The following DCC variants were observed in gnomAD, a reference collection of about 807,000 sequenced individuals.
The protein encoded by DCC is netrin receptor DCC.
DCC carries 58 observed loss-of-function variants against 172.5 expected under a neutral mutation model. The observed-to-expected ratio is 0.34, with a 90% CI of 0.27 to 0.42. The LOEUF is 0.42. Ranked by LOEUF, DCC falls within the 10% of genes least tolerant of loss-of-function variation. The pLI, the probability that DCC is intolerant of heterozygous loss-of-function variation, is 1.00. For synonymous variants in DCC, 709 were observed against 644.5 expected, an observed-to-expected ratio of 1.10 and a Z score of -1.52; for missense variants, 1,740 against 1,791.0, an observed-to-expected ratio of 0.97 and a Z score of 0.51.
chr18:53,307,346 C>G (rs879707575), intron 13 of DCC, among the ~76,000 whole-genome samples: 10 of 152,064 alleles, frequency 6.6e-5, no homozygotes, highest in African/African-American at 1.2e-4. Context: ...TAAAAATAAT[C>G]AAAGTGAGGA....
chr18:52,341,005 A>T (rs1226891290), intron 1 of DCC, 127 bp downstream of exon 1: 2 of 722,718 alleles, frequency 2.8e-6, no homozygotes, highest in Non-Finnish European at 4.9e-6. Flanking sequence ...CGCTGCCCCC[A>T]TTTGCGCACC....
In DCC at chr18:53,534,663, C is replaced by T. The variant is rs2046555187; in HGVS notation, c.*4010C>T. The T allele has an allele frequency of 6.6e-6, 1 of 152,128 alleles. No homozygotes were observed. Among genetic ancestry groups the T allele is most frequent in the Non-Finnish European group, 1.5e-5 (1 of 68,026 alleles). 9.4% of individuals were successfully genotyped at this position (152,128 alleles called of 1,614,324 possible). A position where few individuals can be genotyped will look rare whatever the true frequency, so the allele number is the denominator to read the frequency against. ...ATAGATAGGTGTTTTGTATGATATT[C>T]CATTCCAATGCAAAATATATGTACC... is the stretch of plus-strand genomic sequence containing the variant. On this transcript the variant is annotated 3_prime_UTR_variant, in exon 29 of 29. Transcript: ENST00000442544.
intron 3 of DCC, among the ~76,000 whole-genome samples, chr18:52,920,667 A>G (rs991777121): frequency 1.6e-4 from 25 of 152,156 alleles, no homozygotes; most frequent in African/African-American, 5.6e-4. Context: ...CAATCTAGCT[A>G]TTGCACTCCA....
intron 14 of DCC, among the ~76,000 whole-genome samples, chr18:53,327,400 T>TA (rs1452905559): frequency 1.3e-5 from 2 of 152,118 alleles, no homozygotes; most frequent in African/African-American, 4.8e-5. Flanking sequence ...GATAGAGTGA[T>TA]AGAGTTCAAC....
chr18:53,391,910 G>A (rs1908575097), intron 17 of DCC, 23 bp downstream of exon 17: 1 of 1,335,484 alleles, frequency 7.5e-7, no homozygotes, highest in East Asian at 2.3e-5. Flanking sequence ...TTGATAGCAT[G>A]AAATTTAAAA....
intron 13 of DCC, among the ~76,000 whole-genome samples, chr18:53,317,371 A>G (rs895022678): frequency 3.9e-5 from 6 of 152,168 alleles, no homozygotes; most frequent in African/African-American, 1.4e-4. Context: ...ATACTGCTGG[A>G]TTCGGTTTGC....
intron 1 of DCC, among the ~76,000 whole-genome samples, chr18:52,506,709 G>T (rs940899403): frequency 6.6e-6 from 1 of 151,966 alleles, no homozygotes; most frequent in Non-Finnish European, 1.5e-5. Context: ...TTTCTACCAA[G>T]AAATAAATAT....
At chr18:52,819,885 A>T (rs140372819) in intron 2 of DCC, among the ~76,000 whole-genome samples, 15,430 of 147,624 alleles carry the variant, frequency 0.1, 854 homozygotes, top group South Asian at 0.2. Context: ...TGCCCAGCTA[A>T]TTTTTTTTTT....
chr18:52,978,788 T>C (rs1339189553), intron 5 of DCC, among the ~76,000 whole-genome samples: 1 of 152,214 alleles, frequency 6.6e-6, no homozygotes, highest in Admixed American at 6.5e-5. Flanking sequence ...TACCCATGGC[T>C]TATTTCTCAA....
At chr18:52,748,649 G>A (rs1225203513) in intron 1 of DCC, among the ~76,000 whole-genome samples, 1 of 152,218 alleles carries the variant, frequency 6.6e-6, no homozygotes, top group Non-Finnish European at 1.5e-5. Context: ...CAGTGTTACA[G>A]CTCCTTTTGC....
At chr18:53,357,876 A>G (rs2057895078) in intron 15 of DCC, among the ~76,000 whole-genome samples, 1 of 152,210 alleles carries the variant, frequency 6.6e-6, no homozygotes, top group South Asian at 2.1e-4. Flanking sequence ...TGTATAAGCC[A>G]TTCTAGAAGG....
At position 52,485,775 on chromosome 18, in the gene DCC, A is replaced by G. The variant is rs921734; in HGVS notation, c.91+144897A>G. The stretch of plus-strand genomic sequence containing the variant: ...ATTGTTTCAATGACAGAAAGAGAAT[A>G]TGGTTAAACATGCAAAGCAACCTCT... On this transcript the variant is annotated intron_variant, in intron 1 of 28. Coordinates refer to ENST00000442544, the MANE Select transcript of DCC (RefSeq NM_005215.4). Among the ~76,000 whole-genome samples the G allele has an allele frequency of 1.0e-2, 1,521 of 152,272 alleles. 58 individuals carry two copies. Among genetic ancestry groups the G allele is most frequent in the Admixed American group, 0.064 (974 of 15,268 alleles).
At position 53,253,060 on chromosome 18, in the gene DCC, A is replaced by G. The variant is rs2056458795; in HGVS notation, c.1911+37463A>G. The stretch of plus-strand genomic sequence containing the variant: ...CATTTTCGTATTAATCAAAAATATC[A>G]TTGTATGTCAGAATATAACATATAG... On this transcript the variant is annotated intron_variant, in intron 12 of 28. Transcript: ENST00000442544. Among the ~76,000 whole-genome samples the G allele has an allele frequency of 2.0e-5, 3 of 151,924 alleles. No individual in the cohort carries two copies. In the South Asian group the frequency reaches 6.2e-4, roughly 32 times the overall value.
chr18:52,774,779 G>A (rs1327031466), intron 2 of DCC, among the ~76,000 whole-genome samples: 1 of 151,634 alleles, frequency 6.6e-6, no homozygotes, highest in African/African-American at 2.4e-5. Flanking sequence ...AGGTGCCCCT[G>A]AACCATGAGT....
At chr18:53,363,233 A>C (rs996724597) in intron 15 of DCC, among the ~76,000 whole-genome samples, 1 of 152,150 alleles carries the variant, frequency 6.6e-6, no homozygotes, top group Non-Finnish European at 1.5e-5. Context: ...CAGCTTTGAA[A>C]AATATCTAGC....
chr18:53,085,553 G>T (rs568338698), intron 7 of DCC, among the ~76,000 whole-genome samples: 59 of 152,122 alleles, frequency 3.9e-4, no homozygotes, highest in African/African-American at 1.3e-3. Context: ...ATCCTACAGG[G>T]TATTATTATA....
At chr18:52,718,973 T>G (rs565615998) in intron 1 of DCC, among the ~76,000 whole-genome samples, 1 of 152,174 alleles carries the variant, frequency 6.6e-6, no homozygotes, top group African/African-American at 2.4e-5. Context: ...GAAATCAAGA[T>G]GTCAGCAGGT....
At chr18:53,530,503 C>T in intron 28 of DCC, 61 bp from the exon 29 acceptor site, 1 of 950,028 alleles carries the variant, frequency 1.1e-6, no homozygotes, top group Admixed American at 1.7e-5. Context: ...GTGGCCCCGG[C>T]CTTCATAAAA....
chr18:53,113,805 C>A (rs1012519742), intron 7 of DCC, among the ~76,000 whole-genome samples: 6 of 151,122 alleles, frequency 4.0e-5, no homozygotes, highest in Non-Finnish European at 7.4e-5. Flanking sequence ...CATTAAATAG[C>A]CATATTTTCT....
Sources: gnomAD v4.1 joint callset for allele counts (sites outside exome capture counted in the v4.1 genomes callset) on GRCh38, gnomAD v4.1.1 for gene constraint, MANE v1.5 for transcripts, NCBI Gene and HGNC (gene_info 2026-07-23, HGNC 2026-07-21) for gene names.